The following IGFBP1 variants were observed in gnomAD, a reference collection of about 807,000 sequenced individuals.
IGFBP1 encodes the protein insulin like growth factor binding protein 1, also known as insulin-like growth factor-binding protein 1.
Under a neutral mutation model 23.1 loss-of-function variants are expected in IGFBP1, and 31 were observed. That is an observed-to-expected ratio of 1.34 (90% CI 1.01 to 1.81). IGFBP1 has a LOEUF of 1.81. Among genes scored for constraint, IGFBP1 ranks in the 40% most tolerant of loss-of-function variants. The pLI is 0.00. For missense variants in IGFBP1, 333 were observed against 342.2 expected, an observed-to-expected ratio of 0.97 and a Z score of 0.21; for synonymous variants, 148 against 145.5, an observed-to-expected ratio of 1.02 and a Z score of -0.13.
chr7:45,893,185 T>C lies in IGFBP1; in HGVS notation c.*94T>C. The C allele has an allele frequency of 9.8e-6, 5 of 508,790 alleles. No homozygotes were observed. The highest frequency in any genetic ancestry group is 2.1e-5 in the African/African-American group (1 of 48,308). 31.5% of individuals were successfully genotyped at this position (508,790 alleles called of 1,614,324 possible). A position where few individuals can be genotyped will look rare whatever the true frequency, so the allele number is the denominator to read the frequency against. ...GCACATTTATATATATATGTATATG[T>C]ATATATATATAGTAACTACTTTTTA... On this transcript the variant is annotated 3_prime_UTR_variant, in exon 4 of 4. Coordinates refer to ENST00000275525, the MANE Select transcript of IGFBP1 (RefSeq NM_000596.4).
intron 2 of IGFBP1, among the ~76,000 whole-genome samples, chr7:45,891,124 T>C (rs962686505): frequency 2.0e-5 from 3 of 152,224 alleles, no homozygotes; most frequent in Non-Finnish European, 4.4e-5. Flanking sequence ...TTTTGAAGCA[T>C]AGGTTTCTGT....
chr7:45,892,765 G>A (rs180717436), intron 3 of IGFBP1, among the ~76,000 whole-genome samples, 195 bp from the exon 4 acceptor site: 5 of 152,320 alleles, frequency 3.3e-5, no homozygotes, highest in East Asian at 3.9e-4. Flanking sequence ...CATGCCACTC[G>A]GTCACTGTCT....
chr7:45,892,040 G>T lies in IGFBP1; in HGVS notation c.628G>T (p.Gly210Ter), dbSNP rs1458636725. ...TTACCTGCCAAACTGCAACAAGAAT[G>T]GATTTTATCACAGCAGACAGGTAGG... The part of the protein sequence containing the change: ...KFYLPNCNKN[G>*]FYHSRQCETS... The change falls in exon 3 of 4, where the codon GGA becomes TGA. Residue 210 changes from glycine (G) to a stop codon, truncating the protein, a stop_gained. Transcript: ENST00000275525. LOFTEE classifies it low-confidence loss of function (END_TRUNC). 13 of 1,614,200 alleles carry T rather than the reference G, an allele frequency of 8.1e-6. No individual in the cohort carries two copies. The highest frequency in any genetic ancestry group is 1.1e-5 in the Non-Finnish European group (13 of 1,180,028).
rs1787063324 is a variant in IGFBP1, at chr7:45,890,553, G to C, written c.355G>C (p.Gly119Arg). 4 of 1,608,632 alleles carry C rather than the reference G, an allele frequency of 2.5e-6. No individual in the cohort carries two copies. The highest frequency in any genetic ancestry group is 3.4e-6 in the Non-Finnish European group (4 of 1,177,854). The part of the protein sequence containing the change: ...DASAPHAAEA[G>R]SPESPESTEI... ...CTGCAATGTTTCCTTTCCAGAGGCA[G>C]GGAGCCCTGAAAGCCCAGAGAGCAC... The change falls in exon 2 of 4, where the codon GGG (glycine) becomes CGG (arginine). Residue 119 changes from glycine to arginine, a missense_variant. By Grantham distance (125) the Gly-to-Arg change is moderately radical. Transcript: ENST00000275525.
chr7:45,889,566 C>T (rs185350930), intron 1 of IGFBP1, among the ~76,000 whole-genome samples: 2 of 152,366 alleles, frequency 1.3e-5, no homozygotes, highest in Admixed American at 1.3e-4. Context: ...CTAAAAGCTT[C>T]ACTTCCATTC....
rs9658228 is a variant in IGFBP1, at chr7:45,893,184, G to GTA, written c.*104_*105dup. On this transcript the variant is annotated 3_prime_UTR_variant, in exon 4 of 4. Transcript: ENST00000275525. ...TGCACATTTATATATATATGTATAT[G>GTA]TATATATATATAGTAACTACTTTTT... The GTA allele has an allele frequency of 1.6e-3, 872 of 540,388 alleles. 10 individuals are homozygous for GTA. Among genetic ancestry groups the GTA allele is most frequent in the African/African-American group, 0.013 (675 of 50,684 alleles). 33.5% of individuals were successfully genotyped at this position (540,388 alleles called of 1,614,324 possible).
In IGFBP1 at chr7:45,893,190, A is replaced by G; in HGVS notation, c.*99A>G. On this transcript the variant is annotated 3_prime_UTR_variant, in exon 4 of 4. Transcript: ENST00000275525. The stretch of plus-strand genomic sequence containing the variant: ...TTTATATATATATGTATATGTATAT[A>G]TATATAGTAACTACTTTTTATACTC... 3.8e-6 allele frequency: 2 copies of G among 524,122 alleles called. No individual in the cohort carries two copies. Among genetic ancestry groups the G allele is most frequent in the Non-Finnish European group, 5.6e-6 (2 of 354,192 alleles). 32.5% of individuals were successfully genotyped at this position (524,122 alleles called of 1,614,324 possible).
intron 1 of IGFBP1, among the ~76,000 whole-genome samples, chr7:45,890,330 C>T (rs1177399975): frequency 6.6e-6 from 1 of 152,226 alleles, no homozygotes; most frequent in Non-Finnish European, 1.5e-5. Context: ...CTGAAACTTA[C>T]TATTGTCAGG....
rs1036734138 is a variant in IGFBP1 at position 45,888,511 on chromosome 7, G to C, written c.-142G>C. ...GCATCGGCCACCGCCATCCCATCCA[G>C]CGAGCATCTGCCGCCGCGCCGCCGC... On this transcript the variant is annotated 5_prime_UTR_variant, in exon 1 of 4. Transcript: ENST00000275525. The C allele has an allele frequency of 1.0e-5, 7 of 682,356 alleles. No homozygotes were observed. The highest frequency in any genetic ancestry group is 1.5e-5 in the Non-Finnish European group (6 of 402,298). 42.3% of individuals were successfully genotyped at this position (682,356 alleles called of 1,614,324 possible).
chr7:45,888,994 T>G lies in IGFBP1; in HGVS notation c.342T>G (p.His114Gln). 1.3e-6 allele frequency: 2 copies of G among 1,515,752 alleles called. No individual in the cohort carries two copies. The highest frequency in any genetic ancestry group is 1.8e-6 in the Non-Finnish European group (2 of 1,138,426). 93.9% of individuals were successfully genotyped at this position (1,515,752 alleles called of 1,614,324 possible). ...CVQESDASAP[H>Q]AAEAGSPESP... ...AGGAGTCTGACGCCTCCGCTCCCCA[T>G]GCTGCAGGTACCACAGTCCCGCCCC... is the stretch of plus-strand genomic sequence containing the variant. The change falls in exon 1 of 4, where the codon CAT becomes CAG. Residue 114 changes from histidine to glutamine, a missense_variant. Physicochemically the swap from His to Gln is conservative, Grantham distance 24 (BLOSUM62 0). Coordinates refer to ENST00000275525, the MANE Select transcript of IGFBP1 (RefSeq NM_000596.4).
At position 45,888,766 on chromosome 7, in the gene IGFBP1, C is replaced by T; in HGVS notation, c.114C>T (p.Leu38=). The part of the protein sequence containing the change: ...WQCAPCSAEK[L]ALCPPVSASC... ...GCGCGCCCTGCTCCGCCGAGAAGCT[C>T]GCGCTCTGCCCGCCGGTGTCCGCCT... is the stretch of plus-strand genomic sequence containing the variant. The change falls in exon 1 of 4, where the codon CTC becomes CTT. Residue 38 remains leucine (L), a synonymous_variant. Transcript: ENST00000275525. The T allele has an allele frequency of 1.3e-6, 2 of 1,569,536 alleles. No homozygotes were observed. The highest frequency in any genetic ancestry group is 2.3e-5 in the East Asian group (1 of 43,248).
chr7:45,893,012 G>A lies in IGFBP1; in HGVS notation c.701G>A (p.Trp234Ter), dbSNP rs1787109028. ...EAGLCWCVYP[W>*]NGKRIPGSPE... ...GGACTCTGCTGGTGCGTCTACCCTT[G>A]GAATGGGAAGAGGATCCCTGGGTCT... Residue 234 changes from tryptophan (W) to a stop codon, truncating the protein, a stop_gained, in exon 4 of 4, where the codon TGG becomes TAG. Transcript: ENST00000275525. LOFTEE classifies it low-confidence loss of function (END_TRUNC). 1.2e-6 allele frequency: 2 copies of A among 1,612,314 alleles called. No individual in the cohort carries two copies. The highest frequency in any genetic ancestry group is 8.5e-7 in the Non-Finnish European group (1 of 1,178,648).
rs1354064330 is a variant in IGFBP1, at chr7:45,893,261, TTTA to T, written c.*173_*175del. 3.8e-6 allele frequency: 1 copy of T among 265,538 alleles called. No homozygotes were observed. The highest frequency in any genetic ancestry group is 6.7e-6 in the Non-Finnish European group (1 of 149,068). 16.4% of individuals were successfully genotyped at this position (265,538 alleles called of 1,614,324 possible). On this transcript the variant is annotated 3_prime_UTR_variant, in exon 4 of 4. Transcript: ENST00000275525. ...AAGCTGTTTATTTATTCACTGTAAG[TTTA>T]TTTTTTCTACACAGTAAAAACTTGT... is the stretch of plus-strand genomic sequence containing the variant.
chr7:45,891,909 CTAA>C lies in IGFBP1; in HGVS notation c.520-21_520-19del. 2 of 1,601,308 alleles carry C rather than the reference CTAA, an allele frequency of 1.2e-6. No individual in the cohort carries two copies. The highest frequency in any genetic ancestry group is 1.7e-6 in the Non-Finnish European group (2 of 1,172,878). ...AATTCACTGTGTCTTGTTAGATATG[CTAA>C]TGTCAAGTTATTCTCTTAGGAGCCC... On this transcript the variant is annotated intron_variant, in intron 2 of 3. Coordinates refer to ENST00000275525, the MANE Select transcript of IGFBP1 (RefSeq NM_000596.4).
chr7:45,888,890 CG>C lies in IGFBP1; in HGVS notation c.242del (p.Gly81AspfsTer49), dbSNP rs1310759566. 2.0e-6 allele frequency: 3 copies of C among 1,503,058 alleles called. No homozygotes were observed. Among genetic ancestry groups the C allele is most frequent in the Admixed American group, 4.4e-5 (2 of 45,360 alleles). The allele number at this position is 1,503,058 out of a possible 1,614,324, so 93.1% of individuals were successfully genotyped here. ...CGGCGTGGCGACTGCACGCTGCGCCCGGGGACTCAGTTGCCGCGCGCTGCCG... is the reference window on the plus strand; with the variant it reads ...CGGCGTGGCGACTGCACGCTGCGCCCGGGACTCAGTTGCCGCGCGCTGCCG... ...ACGVATARCA[R>X]GLSCRALPGE... On this transcript the variant is annotated frameshift_variant, in exon 1 of 4. Coordinates refer to ENST00000275525, the MANE Select transcript of IGFBP1 (RefSeq NM_000596.4). LOFTEE classifies it high-confidence loss of function.
chr7:45,888,998 G>A lies in IGFBP1; in HGVS notation c.346G>A (p.Ala116Thr). ...QESDASAPHAAEAGSPESPES... is the reference protein window; with the variant it reads ...QESDASAPHATEAGSPESPES... ...GTCTGACGCCTCCGCTCCCCATGCTGCAGGTACCACAGTCCCGCCCCTGCT... is the reference window on the plus strand; with the variant it reads ...GTCTGACGCCTCCGCTCCCCATGCTACAGGTACCACAGTCCCGCCCCTGCT... The change falls in exon 1 of 4, where the codon GCA becomes ACA. Residue 116 changes from alanine (A) to threonine (T), a missense_variant. Coordinates refer to ENST00000275525, the MANE Select transcript of IGFBP1 (RefSeq NM_000596.4). 6.6e-7 allele frequency: 1 copy of A among 1,514,334 alleles called. No individual in the cohort carries two copies. The highest frequency in any genetic ancestry group is 8.8e-7 in the Non-Finnish European group (1 of 1,137,746). The allele number at this position is 1,514,334 out of a possible 1,614,324, so 93.8% of individuals were successfully genotyped here. A position where few individuals can be genotyped will look rare whatever the true frequency, so the allele number is the denominator to read the frequency against.
At position 45,888,745 on chromosome 7, in the gene IGFBP1, G is replaced by C; in HGVS notation, c.93G>C (p.Ala31=). The change falls in exon 1 of 4, where the codon GCG becomes GCC. Residue 31 remains alanine, a synonymous_variant. Transcript: ENST00000275525. ...CAGCCGGCGCTCCGTGGCAGTGCGC[G>C]CCCTGCTCCGCCGAGAAGCTCGCGC... is the stretch of plus-strand genomic sequence containing the variant. ...GVTAGAPWQC[A]PCSAEKLALC... is the part of the protein sequence containing the mutation. The C allele has an allele frequency of 6.3e-7, 1 of 1,587,714 alleles. No individual in the cohort carries two copies. The highest frequency in any genetic ancestry group is 8.5e-7 in the Non-Finnish European group (1 of 1,175,716).
At chr7:45,892,082 C>T (rs774512092) in intron 3 of IGFBP1, 22 bp downstream of exon 3, 52 of 1,612,014 alleles carry the variant, frequency 3.2e-5, no homozygotes, top group East Asian at 2.0e-4. Context: ...TGCCAGTGTG[C>T]GTCGTCAGGG....
chr7:45,890,578 C>T lies in IGFBP1; in HGVS notation c.380C>T (p.Thr127Met), dbSNP rs775473368. ...GGGAGCCCTGAAAGCCCAGAGAGCA[C>T]GGAGATAACTGAGGAGGAGCTCCTG... ...EAGSPESPESTEITEEELLDN... is the reference protein window; with the variant it reads ...EAGSPESPESMEITEEELLDN... The change falls in exon 2 of 4, where the codon ACG becomes ATG. Residue 127 changes from threonine to methionine, a missense_variant. Physicochemically the swap from Thr to Met is moderately conservative, Grantham distance 81. Transcript: ENST00000275525. 125 of 1,612,722 alleles carry T rather than the reference C, an allele frequency of 7.8e-5. No individual in the cohort carries two copies. Among genetic ancestry groups the T allele is most frequent in the Middle Eastern group, 3.3e-4 (2 of 5,980 alleles).
Sources: gnomAD v4.1 joint callset for allele counts (sites outside exome capture counted in the v4.1 genomes callset) on GRCh38, gnomAD v4.1.1 for gene constraint, MANE v1.5 for transcripts, NCBI Gene and HGNC (gene_info 2026-07-23, HGNC 2026-07-21) for gene names.